Variants in CENPW observed in about 807,000 individuals in gnomAD.
CENPW encodes cancer-up-regulated gene 2 protein.
A neutral mutation model predicts 11.1 loss-of-function variants in CENPW; 3 were observed. That is an observed-to-expected ratio of 0.27 (90% CI 0.12 to 0.70). CENPW has a LOEUF of 0.70. Ranked by LOEUF, CENPW falls within the 30% of genes least tolerant of loss-of-function variation. The pLI is 0.77. For missense variants in CENPW, 100 were observed against 105.6 expected, an observed-to-expected ratio of 0.95 and a Z score of 0.23; for synonymous variants, 38 against 42.0, an observed-to-expected ratio of 0.91 and a Z score of 0.37.
chr6:126,442,244 A>G, the CENPW span, among the ~76,000 whole-genome samples: 2 of 151,578 alleles, frequency 1.3e-5, no homozygotes, highest in East Asian at 3.9e-4. Context: ...GGCCATTTGT[A>G]TAGCTTCTTT....
At chr6:126,449,119 G>C in the CENPW span, among the ~76,000 whole-genome samples, 2 of 150,812 alleles carry the variant, frequency 1.3e-5, no homozygotes, top group South Asian at 4.2e-4. Flanking sequence ...AACCTTCTTT[G>C]ATCTCTTTTA....
At chr6:126,477,118 C>T in the CENPW span, among the ~76,000 whole-genome samples, 5 of 151,980 alleles carry the variant, frequency 3.3e-5, no homozygotes, top group African/African-American at 4.8e-5. Context: ...TCAAGTCTAC[C>T]GTTAATAGTT....
the CENPW span, among the ~76,000 whole-genome samples, chr6:126,424,236 C>T: frequency 2.6e-5 from 4 of 152,078 alleles, no homozygotes; most frequent in East Asian, 7.7e-4. Context: ...CTGAAGACCA[C>T]ACACAGAGAA....
the CENPW span, among the ~76,000 whole-genome samples, chr6:126,384,621 A>G: frequency 1.3e-5 from 2 of 152,098 alleles, no homozygotes; most frequent in African/African-American, 2.4e-5. Flanking sequence ...ACAAAAATCA[A>G]CTCAAGATGG....
the CENPW span, among the ~76,000 whole-genome samples, chr6:126,447,991 C>T: frequency 6.6e-6 from 1 of 151,248 alleles, no homozygotes; most frequent in Non-Finnish European, 1.5e-5. Context: ...GGTCAGCCCC[C>T]TATAGCCAGG....
the CENPW span, among the ~76,000 whole-genome samples, chr6:126,390,277 T>C: frequency 1.3e-5 from 2 of 151,918 alleles, no homozygotes; most frequent in Non-Finnish European, 2.9e-5. Context: ...CTTCTTATGA[T>C]CCATTATCCA....
the CENPW span, among the ~76,000 whole-genome samples, chr6:126,388,286 CAT>C: frequency 6.6e-6 from 1 of 152,084 alleles, no homozygotes; most frequent in East Asian, 1.9e-4. Context: ...TGATGCCAAA[CAT>C]ATGGCTTTTG....
At chr6:126,373,878 T>G in the CENPW span, among the ~76,000 whole-genome samples, 1 of 152,184 alleles carries the variant, frequency 6.6e-6, no homozygotes, top group African/African-American at 2.4e-5. Context: ...CCTCTTGATG[T>G]GAGAAACAGC....
the CENPW span, among the ~76,000 whole-genome samples, chr6:126,402,139 C>T: frequency 3.2e-4 from 48 of 152,070 alleles, no homozygotes; most frequent in Admixed American, 5.9e-4. Flanking sequence ...TTTTGCACTT[C>T]CTATGCAGAA....
the CENPW span, among the ~76,000 whole-genome samples, chr6:126,414,008 A>G: frequency 6.6e-6 from 1 of 152,112 alleles, no homozygotes; most frequent in Non-Finnish European, 1.5e-5. Context: ...AAAAGCAATC[A>G]AGAGTAGCTA....
downstream of CENPW, among the ~76,000 whole-genome samples, chr6:126,350,262 C>G (rs1445361645): frequency 1.3e-5 from 2 of 152,116 alleles, no homozygotes; most frequent in East Asian, 3.8e-4. Flanking sequence ...TAATGAAATA[C>G]CATGCACTGG....
At chr6:126,405,700 A>C in the CENPW span, among the ~76,000 whole-genome samples, 1 of 152,078 alleles carries the variant, frequency 6.6e-6, no homozygotes, top group Non-Finnish European at 1.5e-5. Flanking sequence ...TATAGTTTTC[A>C]TTATAGAGAA....
the CENPW span, among the ~76,000 whole-genome samples, chr6:126,419,416 A>C: frequency 6.6e-6 from 1 of 152,204 alleles, no homozygotes; most frequent in African/African-American, 2.4e-5. Context: ...CAACTTACCA[A>C]GTGCCTATTA....
At chr6:126,436,615 G>A in the CENPW span, among the ~76,000 whole-genome samples, 1 of 151,694 alleles carries the variant, frequency 6.6e-6, no homozygotes, top group Non-Finnish European at 1.5e-5. Context: ...ACAATATCAA[G>A]GATGAAAACT....
At chr6:126,415,950 G>T in the CENPW span, among the ~76,000 whole-genome samples, 1 of 152,184 alleles carries the variant, frequency 6.6e-6, no homozygotes, top group East Asian at 1.9e-4. Flanking sequence ...ACCTGAAAAT[G>T]TGGAAGCAAC....
the CENPW span, among the ~76,000 whole-genome samples, chr6:126,397,552 T>C: frequency 6.6e-6 from 1 of 152,170 alleles, no homozygotes; most frequent in Admixed American, 6.5e-5. Context: ...TTTTTGATTC[T>C]TATGAAGGTG....
At chr6:126,411,312 G>A in the CENPW span, among the ~76,000 whole-genome samples, 1 of 152,178 alleles carries the variant, frequency 6.6e-6, no homozygotes, top group African/African-American at 2.4e-5. Flanking sequence ...CAGTGACATA[G>A]TTTGTTAATG....
At chr6:126,433,751 T>C in the CENPW span, among the ~76,000 whole-genome samples, 1 of 152,096 alleles carries the variant, frequency 6.6e-6, no homozygotes, top group Non-Finnish European at 1.5e-5. Flanking sequence ...ACGCACAAAA[T>C]ATTAATAGCA....
At chr6:126,419,041 T>A in the CENPW span, among the ~76,000 whole-genome samples, 4 of 152,062 alleles carry the variant, frequency 2.6e-5, no homozygotes, top group African/African-American at 9.7e-5. Context: ...GTAGCAAACC[T>A]GCACGTTGTG....
Sources: allele counts gnomAD v4.1 joint callset (sites outside exome capture counted in the v4.1 genomes callset), GRCh38; gene constraint gnomAD v4.1.1; transcripts MANE v1.5; gene names NCBI Gene and HGNC (gene_info 2026-07-23, HGNC 2026-07-21).